Variants in UTS2 observed in about 807,000 individuals in gnomAD.
The protein encoded by UTS2 is urotensin 2.
Under a neutral mutation model 12.6 loss-of-function variants are expected in UTS2, and 10 were observed. The ratio of observed to expected loss-of-function variants is 0.80; its 90% CI spans 0.49 to 1.35. The LOEUF (loss-of-function observed/expected upper bound fraction) is 1.35. Ranked by LOEUF, UTS2 falls within the 40% of genes most tolerant of loss-of-function variation. The probability of loss-of-function intolerance (pLI) is 0.00; values close to 1 mark genes in which losing one functional copy is unlikely to be tolerated. For synonymous variants in UTS2, 52 were observed against 50.0 expected (o/e 1.04, Z -0.17); for missense variants, 142 against 143.2 (o/e 0.99, Z 0.04).
the UTS2 span, among the ~76,000 whole-genome samples, chr1:7,867,551 A>T: frequency 6.6e-6 from 1 of 152,200 alleles, no homozygotes; most frequent in Non-Finnish European, 1.5e-5. Flanking sequence ...GGCTTAGGGA[A>T]GCCACTCCTG....
At chr1:7,867,266 G>A in the UTS2 span, among the ~76,000 whole-genome samples, 1 of 152,146 alleles carries the variant, frequency 6.6e-6, no homozygotes, top group African/African-American at 2.4e-5. Context: ...ATATTGCCTG[G>A]TGTCATGCAC....
chr1:7,881,242 C>T, the UTS2 span, among the ~76,000 whole-genome samples: 13 of 152,180 alleles, frequency 8.5e-5, no homozygotes, highest in Non-Finnish European at 1.5e-4. Flanking sequence ...GACAAGGATG[C>T]TCACTTTTAC....
chr1:7,848,778 C>T (rs1339412900), intron 3 of UTS2, among the ~76,000 whole-genome samples: 1 of 152,132 alleles, frequency 6.6e-6, no homozygotes, highest in Non-Finnish European at 1.5e-5. Flanking sequence ...CCTCGGCCTC[C>T]CGTGCTGGGA....
the UTS2 span, among the ~76,000 whole-genome samples, chr1:7,872,109 G>A: frequency 4.6e-5 from 7 of 151,968 alleles, no homozygotes; most frequent in African/African-American, 1.7e-4. Flanking sequence ...AGACCATCCT[G>A]GCTAACATGG....
the UTS2 span, among the ~76,000 whole-genome samples, chr1:7,866,665 C>T: frequency 1.3e-5 from 2 of 152,114 alleles, no homozygotes; most frequent in Admixed American, 6.5e-5. This position sits in a 1 kb window ranked among gnomAD's most constrained non-coding sequence, Gnocchi z 4.5. Flanking sequence ...GGAGGGAAGG[C>T]GCTTTCTAAG....
the UTS2 span, among the ~76,000 whole-genome samples, chr1:7,902,144 C>T: frequency 6.6e-6 from 1 of 152,030 alleles, no homozygotes. Flanking sequence ...CCCACCAGCT[C>T]CTACAACAGG....
chr1:7,874,206 G>T, the UTS2 span, among the ~76,000 whole-genome samples: 1 of 152,190 alleles, frequency 6.6e-6, no homozygotes, highest in Non-Finnish European at 1.5e-5. Flanking sequence ...CCGCAAGGCT[G>T]CATTCCCACC....
At chr1:7,872,299 C>CAAAAAAAAAAAAAAAAAAAAA in the UTS2 span, among the ~76,000 whole-genome samples, 1 of 65,888 alleles carries the variant, frequency 1.5e-5, no homozygotes, top group African/African-American at 5.7e-5. Flanking sequence ...GACTCTGTCT[C>CAAAAAAAAAAAAAAAAAAAAA]AAAAAAAAAA....
At chr1:7,852,545 A>G (rs2097415229) in intron 1 of UTS2, among the ~76,000 whole-genome samples, 1 of 152,218 alleles carries the variant, frequency 6.6e-6, no homozygotes, top group Non-Finnish European at 1.5e-5. Flanking sequence ...AACCAGTGCT[A>G]CATTCAACCA....
the UTS2 span, among the ~76,000 whole-genome samples, chr1:7,905,626 G>C: frequency 1.3e-5 from 2 of 152,118 alleles, no homozygotes; most frequent in Non-Finnish European, 2.9e-5. Context: ...GAAAAAGACT[G>C]CAGTGTTCCA....
chr1:7,867,578 G>A, the UTS2 span, among the ~76,000 whole-genome samples: 1 of 152,142 alleles, frequency 6.6e-6, no homozygotes, highest in East Asian at 1.9e-4. Flanking sequence ...TGTTGATCTT[G>A]AGAAAATAAA....
the UTS2 span, among the ~76,000 whole-genome samples, chr1:7,892,469 G>GTTTTTTT: frequency 2.7e-4 from 21 of 77,758 alleles, no homozygotes; most frequent in Non-Finnish European, 3.9e-4. Flanking sequence ...CCTCATGCAT[G>GTTTTTTT]TTTTTTTTTT....
At chr1:7,886,660 TTCTC>T in the UTS2 span, among the ~76,000 whole-genome samples, 1 of 152,202 alleles carries the variant, frequency 6.6e-6, no homozygotes, top group East Asian at 1.9e-4. Flanking sequence ...CTTTCAGTCT[TTCTC>T]TCACTTTCTG....
the UTS2 span, among the ~76,000 whole-genome samples, chr1:7,910,207 T>G: frequency 6.6e-6 from 1 of 151,872 alleles, no homozygotes; most frequent in Non-Finnish European, 1.5e-5. Flanking sequence ...CCAAGGTGGG[T>G]CACAGAAACC....
chr1:7,897,650 G>A, the UTS2 span, among the ~76,000 whole-genome samples: 11 of 152,030 alleles, frequency 7.2e-5, no homozygotes, highest in Admixed American at 3.9e-4. Flanking sequence ...GCAATGGTGC[G>A]ATCTTGGCTC....
chr1:7,862,990 G>GTTTA, the UTS2 span, among the ~76,000 whole-genome samples: 6 of 41,386 alleles, frequency 1.4e-4, no homozygotes, highest in African/African-American at 5.2e-4. Context: ...ATTGTGTTGT[G>GTTTA]TTGTATTGTA....
the UTS2 span, among the ~76,000 whole-genome samples, chr1:7,873,508 A>T: frequency 6.6e-6 from 1 of 152,228 alleles, no homozygotes; most frequent in Non-Finnish European, 1.5e-5. Context: ...TTCATGGATG[A>T]CTTTGAGGAG....
chr1:7,876,182 T>C, the UTS2 span, among the ~76,000 whole-genome samples: 1 of 151,722 alleles, frequency 6.6e-6, no homozygotes, highest in African/African-American at 2.4e-5. Context: ...CTGCCCAGCC[T>C]TCTGGTGCCC....
At chr1:7,892,335 A>T in the UTS2 span, among the ~76,000 whole-genome samples, 1 of 152,014 alleles carries the variant, frequency 6.6e-6, no homozygotes, top group Non-Finnish European at 1.5e-5. Flanking sequence ...GGGGAGCATC[A>T]GTGTTCTTGC....
Sources: gnomAD v4.1 joint callset for allele counts (sites outside exome capture counted in the v4.1 genomes callset) on GRCh38, gnomAD v4.1.1 for gene constraint, Gnocchi (gnomAD v3.1) non-coding constraint, MANE v1.5 for transcripts, NCBI Gene and HGNC (gene_info 2026-07-23, HGNC 2026-07-21) for gene names.